Variants in MED13 observed in about 807,000 individuals in gnomAD.
MED13 encodes the protein mediator of RNA polymerase II transcription subunit 13.
In MED13, 23 loss-of-function variants were observed where a neutral mutation model predicts 225.2. The ratio of observed to expected loss-of-function variants is 0.10; its 90% CI spans 0.07 to 0.14. MED13 has a LOEUF of 0.14. Ranked by LOEUF, MED13 falls within the 10% of genes least tolerant of loss-of-function variation. The probability of loss-of-function intolerance (pLI) is 1.00; values close to 1 mark genes in which losing one functional copy is unlikely to be tolerated. For missense variants in MED13, 2,197 were observed against 2,594.5 expected, an observed-to-expected ratio of 0.85 and a Z score of 3.33; for synonymous variants, 942 against 889.2, an observed-to-expected ratio of 1.06 and a Z score of -1.06.
In MED13 at chr17:62,065,131, G is replaced by C; in HGVS notation, c.66+9C>G. 2 of 1,552,652 alleles carry C rather than the reference G, an allele frequency of 1.3e-6. No homozygotes were observed. The highest frequency in any genetic ancestry group is 1.7e-6 in the Non-Finnish European group (2 of 1,151,300). The stretch of plus-strand genomic sequence containing the variant: ...CCCTCCCTCGGCGCCCGCCGGCCCC[G>C]GCACTCACCAGGCAGAAGAGGTTAC... On this transcript the variant is annotated intron_variant, in intron 1 of 29. Transcript: ENST00000397786.
chr17:62,015,915 C>CACACATATAT lies in MED13; in HGVS notation c.1284-4683_1284-4682insATATATGTGT, dbSNP rs1230248036. On this transcript the variant is annotated intron_variant, in intron 8 of 29. Transcript: ENST00000397786. ...CACACACACACATACACACTATACA[C>CACACATATAT]ATATATATATATATATATATATATA... 2.8e-3 allele frequency among the ~76,000 whole-genome samples: 24 copies of CACACATATAT among 8,608 alleles called. 1 individual carries two copies. The highest frequency in any genetic ancestry group is 0.013 in the South Asian group (2 of 152). 5.6% of individuals were successfully genotyped at this position (8,608 alleles called of 152,430 possible).
At chr17:61,951,349 CA>C (rs1247054884) in intron 27 of MED13, among the ~76,000 whole-genome samples, 2 of 152,044 alleles carry the variant, frequency 1.3e-5, no homozygotes, top group Non-Finnish European at 2.9e-5. Flanking sequence ...TCCTGAAAAC[CA>C]CACCCCAATC....
At chr17:62,028,488 C>G (rs2080723426) in intron 8 of MED13, among the ~76,000 whole-genome samples, 1 of 152,030 alleles carries the variant, frequency 6.6e-6, no homozygotes, top group South Asian at 2.1e-4. Flanking sequence ...ACAGCAAACC[C>G]TTGTGACATG....
intron 8 of MED13, among the ~76,000 whole-genome samples, chr17:62,025,145 C>T (rs1329093272): frequency 6.6e-6 from 1 of 152,178 alleles, no homozygotes; most frequent in Non-Finnish European, 1.5e-5. Flanking sequence ...CAAACTTTTT[C>T]TGTAGTGAAC....
At chr17:62,034,511 C>A (rs2080785650) in intron 4 of MED13, among the ~76,000 whole-genome samples, 1 of 149,300 alleles carries the variant, frequency 6.7e-6, no homozygotes, top group Admixed American at 6.7e-5. Flanking sequence ...AAAAAATTGT[C>A]TGCCCAAACT....
chr17:61,951,971 C>T (rs1338917767), intron 27 of MED13, among the ~76,000 whole-genome samples: 1 of 152,010 alleles, frequency 6.6e-6, no homozygotes, highest in Non-Finnish European at 1.5e-5. Flanking sequence ...GATCTCGGCT[C>T]ACTGCAAGCT....
In MED13 at chr17:61,966,614, A is replaced by G. The variant is rs772050063; in HGVS notation, c.4229T>C (p.Leu1410Pro). The change falls in exon 19 of 30, where the codon CTG becomes CCG. Residue 1410 changes from leucine to proline, a missense_variant. Physicochemically the swap from Leu to Pro is moderately conservative, Grantham distance 98 (BLOSUM62 -3). Coordinates refer to ENST00000397786, the MANE Select transcript of MED13 (RefSeq NM_005121.3). Reference sequence around the variant, plus strand: ...AACTCTCATGATCCCATCTGTTAACAGTCGAGAAACAGGTCTATGTTGACC... The same window carrying G: ...AACTCTCATGATCCCATCTGTTAACGGTCGAGAAACAGGTCTATGTTGACC... The part of the protein sequence containing the change: ...RLGQHRPVSR[L>P]LTDGIMRVGS... 3.7e-6 allele frequency: 6 copies of G among 1,613,514 alleles called. No homozygotes were observed. Among genetic ancestry groups the G allele is most frequent in the Non-Finnish European group, 5.1e-6 (6 of 1,179,802 alleles).
Position 61,955,530 on chromosome 17 carries a change from C to A in MED13, c.5820G>T (p.Thr1940=), listed in dbSNP as rs59950875. Residue 1940 remains threonine, a synonymous_variant, in exon 26 of 30, where the codon ACG becomes ACT. Coordinates refer to ENST00000397786, the MANE Select transcript of MED13 (RefSeq NM_005121.3). ...GCTGAGATGTCTGCATATTTAGAGT[C>A]GTGCTTCTTCCAAATACAGAACCAG... ...VSTGSVFGRS[T]TLNMQTSQLN... is the part of the protein sequence containing the mutation. The A allele has an allele frequency of 6.3e-7, 1 of 1,574,974 alleles. No homozygotes were observed. The highest frequency in any genetic ancestry group is 1.2e-5 in the South Asian group (1 of 83,552).
chr17:61,984,090 C>A (rs1327681277), intron 15 of MED13, 81 bp downstream of exon 15: 7 of 1,083,100 alleles, frequency 6.5e-6, no homozygotes, highest in Middle Eastern at 2.2e-4. Flanking sequence ...TTTTATTTTT[C>A]CAGCATACCA....
rs766485460 is a variant in MED13, at chr17:61,946,346, A to C, written c.*122T>G. ...CCCCAAGTCAAAACAATATTTGTTG[A>C]AGTAATAAGAATTAGACCCCATCAC... is the stretch of plus-strand genomic sequence containing the variant. On this transcript the variant is annotated 3_prime_UTR_variant, in exon 30 of 30. Transcript: ENST00000397786. 3.5e-6 allele frequency: 4 copies of C among 1,144,624 alleles called. No homozygotes were observed. The highest frequency in any genetic ancestry group is 4.8e-6 in the Non-Finnish European group (4 of 825,000). 70.9% of individuals were successfully genotyped at this position (1,144,624 alleles called of 1,614,324 possible). A position where few individuals can be genotyped will look rare whatever the true frequency, so the allele number is the denominator to read the frequency against.
chr17:61,962,056 G>A (rs2080005604), intron 21 of MED13, among the ~76,000 whole-genome samples: 2 of 152,166 alleles, frequency 1.3e-5, no homozygotes, highest in Admixed American at 6.5e-5. Context: ...GGGAGGCCGA[G>A]GTGGGCAGAT....
intron 3 of MED13, among the ~76,000 whole-genome samples, chr17:62,044,234 A>G (rs562420693): frequency 7.1e-6 from 1 of 140,874 alleles, no homozygotes; most frequent in East Asian, 2.4e-4. Flanking sequence ...TACTTCCTTA[A>G]AAAAAAAAAA....
At chr17:61,949,982 C>A (rs2079883325) in intron 28 of MED13, among the ~76,000 whole-genome samples, 1 of 152,116 alleles carries the variant, frequency 6.6e-6, no homozygotes, top group African/African-American at 2.4e-5. Context: ...TGCGCCCAGC[C>A]CAAGATTATA....
intron 6 of MED13, 40 bp from the exon 7 acceptor site, chr17:62,030,053 G>T: frequency 2.1e-6 from 3 of 1,428,280 alleles, no homozygotes; most frequent in Non-Finnish European, 1.8e-6. Flanking sequence ...GGAGAATAAA[G>T]GTAGGTTTAA....
intron 21 of MED13, 142 bp downstream of exon 21, chr17:61,962,610 T>C (rs1157882173): frequency 1.6e-6 from 1 of 616,414 alleles, no homozygotes; most frequent in African/African-American, 1.8e-5. Flanking sequence ...CTAAGATTTA[T>C]ATTATGATAT....
chr17:62,029,242 C>G, intron 8 of MED13: 1 of 279,496 alleles, frequency 3.6e-6, no homozygotes, highest in Non-Finnish European at 6.6e-6. Context: ...ATTTATATGG[C>G]TGTATAGCTT....
rs755313110 is a variant in MED13, at chr17:61,965,249, G to C, written c.4601C>G (p.Thr1534Ser). 2 of 1,614,018 alleles carry C rather than the reference G, an allele frequency of 1.2e-6. No individual in the cohort carries two copies. The highest frequency in any genetic ancestry group is 2.2e-5 in the South Asian group (2 of 91,082). The change falls in exon 20 of 30, where the codon ACC becomes AGC. Residue 1534 changes from threonine to serine, a missense_variant. This residue lies in a region of MED13 where 457 missense variants were observed against 442.2 expected (regional missense o/e 1.03). Coordinates refer to ENST00000397786, the MANE Select transcript of MED13 (RefSeq NM_005121.3). ...TGATGAAGATGAAGTTGAAGCTGTG[G>C]TCAAAGTTGAATTAGCTGTGGCAAC... The part of the protein sequence containing the change: ...TSVATANSTL[T>S]TASTSSSSSS...
chr17:61,989,301 C>A (rs1282133248), intron 11 of MED13, among the ~76,000 whole-genome samples: 1 of 152,008 alleles, frequency 6.6e-6, no homozygotes, highest in Non-Finnish European at 1.5e-5. Context: ...TGAGCCACCA[C>A]GCCCAGCCAT....
intron 8 of MED13, among the ~76,000 whole-genome samples, chr17:62,025,617 C>G (rs1300502897): frequency 1.3e-5 from 2 of 152,094 alleles, no homozygotes; most frequent in Non-Finnish European, 2.9e-5. Context: ...TTGCAGTGAG[C>G]CGAGATCACA....
Sources: gnomAD v4.1 joint callset for allele counts (sites outside exome capture counted in the v4.1 genomes callset) on GRCh38, gnomAD v4.1.1 for gene constraint, gnomAD v4.1.1 regional missense constraint, MANE v1.5 for transcripts, NCBI Gene and HGNC (gene_info 2026-07-23, HGNC 2026-07-21) for gene names.